The following RBFOX3 variants were observed in gnomAD, a reference collection of about 807,000 sequenced individuals.
RBFOX3 encodes the protein RNA binding fox-1 homolog 3.
Under a neutral mutation model 48.7 loss-of-function variants are expected in RBFOX3, and 17 were observed. The observed-to-expected ratio is 0.35, with a 90% CI of 0.24 to 0.52. RBFOX3 has a LOEUF of 0.52. Ranked by LOEUF, RBFOX3 falls within the 20% of genes least tolerant of loss-of-function variation. RBFOX3 has a pLI of 0.94. For synonymous variants in RBFOX3, 212 were observed against 209.5 expected (o/e 1.01, Z -0.10); for missense variants, 382 against 497.5 (o/e 0.77, Z 2.21).
At position 79,391,456 on chromosome 17, in the gene RBFOX3, A is replaced by G. The variant is rs2148199798; in HGVS notation, c.-174-83632T>C. On this transcript the variant is annotated intron_variant, in intron 2 of 14. Coordinates refer to ENST00000693108, the MANE Select transcript of RBFOX3 (RefSeq NM_001350451.2). This position sits in a 1 kb window ranked among gnomAD's most constrained non-coding sequence, Gnocchi z 5.0. ...TCTCCTCTGCTTAATAATGGGTGGT[A>G]TCATAACATCTTCCTGAATTATTAT... is the stretch of plus-strand genomic sequence containing the variant. Among the ~76,000 whole-genome samples the G allele has an allele frequency of 6.6e-6, 1 of 152,344 alleles. No individual in the cohort carries two copies. Among genetic ancestry groups the G allele is most frequent in the African/African-American group, 2.4e-5 (1 of 41,584 alleles).
At chr17:79,374,644 T>G (rs1424982028) in intron 2 of RBFOX3, among the ~76,000 whole-genome samples, 1 of 152,236 alleles carries the variant, frequency 6.6e-6, no homozygotes, top group Non-Finnish European at 1.5e-5. Context: ...TGTACACGCT[T>G]GAGGCTCCGT....
At chr17:79,102,330 C>T (rs1383723725) in intron 8 of RBFOX3, among the ~76,000 whole-genome samples, 2 of 152,206 alleles carry the variant, frequency 1.3e-5, no homozygotes, top group Admixed American at 6.5e-5. Flanking sequence ...TGTTCTGCCT[C>T]CCCTGCGTCC....
Position 79,204,127 on chromosome 17 carries a change from A to G in RBFOX3, c.-34+31639T>C, listed in dbSNP as rs535735567. ...ATGAGATAACACTTGTCCCCCACTG[A>G]GAGCTGCCCCTACTTCCCCTACTGC... On this transcript the variant is annotated intron_variant, in intron 4 of 14. Transcript: ENST00000693108. This position sits in a 1 kb window ranked among gnomAD's most constrained non-coding sequence, Gnocchi z 4.5. Among the ~76,000 whole-genome samples, 1 of 152,322 alleles carries G rather than the reference A, an allele frequency of 6.6e-6. No homozygotes were observed. Among genetic ancestry groups the G allele is most frequent in the Admixed American group, 6.5e-5 (1 of 15,304 alleles).
At chr17:79,511,098 C>A (rs563769702) in intron 1 of RBFOX3, among the ~76,000 whole-genome samples, 4 of 152,176 alleles carry the variant, frequency 2.6e-5, no homozygotes, top group African/African-American at 9.7e-5. Flanking sequence ...TCCTCATCCA[C>A]GCAGGGGCAC....
At chr17:79,257,693 G>A (rs1002197191) in intron 3 of RBFOX3, among the ~76,000 whole-genome samples, 10 of 152,078 alleles carry the variant, frequency 6.6e-5, no homozygotes, top group African/African-American at 1.2e-4. Flanking sequence ...CGATTCTCCC[G>A]CCTCAGCCTC....
intron 4 of RBFOX3, chr17:79,208,350 C>T (rs1016860694): frequency 1.3e-5 from 2 of 152,374 alleles, no homozygotes; most frequent in Admixed American, 6.5e-5. Context: ...GCCTGGAAAC[C>T]AAAGGGGCTC....
intron 2 of RBFOX3, among the ~76,000 whole-genome samples, chr17:79,430,851 C>A (rs567262653): frequency 6.6e-6 from 1 of 152,160 alleles, no homozygotes; most frequent in Non-Finnish European, 1.5e-5. Flanking sequence ...GCCCTGTGCT[C>A]AGCAAATATT....
intron 2 of RBFOX3, among the ~76,000 whole-genome samples, chr17:79,314,603 G>A (rs1342969048): frequency 6.6e-6 from 1 of 151,866 alleles, no homozygotes; most frequent in African/African-American, 2.4e-5. Context: ...CAAAGAAAAT[G>A]GGGCAGGTTT....
At chr17:79,613,066 G>A (rs2093981099), upstream of RBFOX3, among the ~76,000 whole-genome samples, 1 of 152,230 alleles carries the variant, frequency 6.6e-6, no homozygotes, top group Non-Finnish European at 1.5e-5. Context: ...CCTGTGAAGT[G>A]GGGACACATT....
chr17:79,331,601 C>A (rs1277140669), intron 2 of RBFOX3, among the ~76,000 whole-genome samples: 1 of 152,232 alleles, frequency 6.6e-6, no homozygotes. Context: ...GATTCTAGAT[C>A]TCCTAAGAGA....
chr17:79,603,293 C>T lies in RBFOX3; in HGVS notation c.-320+7533G>A, dbSNP rs1201247639. Among the ~76,000 whole-genome samples the T allele has an allele frequency of 1.8e-4, 28 of 152,106 alleles. 1 individual carries two copies. Among genetic ancestry groups the T allele is most frequent in the African/African-American group, 6.8e-4 (28 of 41,438 alleles). On this transcript the variant is annotated intron_variant, in intron 1 of 14. Transcript: ENST00000693108. ...GGCGTGAGACACCCTGCCCTGGCCT[C>T]CTTGTGGTACTCTTGACACCCCGCT...
chr17:79,596,935 C>T (rs2093584940), intron 1 of RBFOX3, among the ~76,000 whole-genome samples: 1 of 152,180 alleles, frequency 6.6e-6, no homozygotes. Context: ...CGCTATGTTC[C>T]GTGTTGATAG....
chr17:79,531,284 C>T (rs2087733332), intron 1 of RBFOX3, among the ~76,000 whole-genome samples: 2 of 152,226 alleles, frequency 1.3e-5, no homozygotes, highest in African/African-American at 4.8e-5. Context: ...TGCCCACCTG[C>T]CCTGCCAGCA....
intron 3 of RBFOX3, among the ~76,000 whole-genome samples, chr17:79,288,555 G>A (rs2072527811): frequency 6.6e-6 from 1 of 151,832 alleles, no homozygotes; most frequent in African/African-American, 2.4e-5. Context: ...AAAACGTGAT[G>A]GGCAGTTTCC....
chr17:79,171,247 G>T (rs2049215720), intron 4 of RBFOX3, among the ~76,000 whole-genome samples: 1 of 152,224 alleles, frequency 6.6e-6, no homozygotes, highest in Non-Finnish European at 1.5e-5. Flanking sequence ...CACGTCATTA[G>T]CACGAATTTC....
At chr17:79,630,276 G>A in the RBFOX3 span, among the ~76,000 whole-genome samples, 5 of 152,214 alleles carry the variant, frequency 3.3e-5, no homozygotes, top group African/African-American at 1.2e-4. Context: ...AGGGAAACAC[G>A]GTCGGCCAAG....
chr17:79,166,196 T>C (rs1039307254), intron 4 of RBFOX3, among the ~76,000 whole-genome samples: 1 of 151,994 alleles, frequency 6.6e-6, no homozygotes, highest in Non-Finnish European at 1.5e-5. Context: ...CCAGACAAAC[T>C]GGAGGATGCA....
intron 2 of RBFOX3, among the ~76,000 whole-genome samples, chr17:79,420,160 C>CACACAT (rs2066051972): frequency 1.3e-5 from 2 of 150,918 alleles, no homozygotes; most frequent in African/African-American, 4.9e-5. Context: ...CACACACACA[C>CACACAT]ACACACACAC....
At chr17:79,113,735 C>T (rs187627115) in intron 5 of RBFOX3, among the ~76,000 whole-genome samples, 6 of 152,348 alleles carry the variant, frequency 3.9e-5, no homozygotes, top group African/African-American at 7.2e-5. Flanking sequence ...AGACCCAAGC[C>T]AGCCTCTGTT....
Sources: allele counts gnomAD v4.1 joint callset (sites outside exome capture counted in the v4.1 genomes callset), GRCh38; gene constraint gnomAD v4.1.1; non-coding constraint Gnocchi (gnomAD v3.1); transcripts MANE v1.5; gene names NCBI Gene and HGNC (gene_info 2026-07-23, HGNC 2026-07-21).